Variants in FAM168A observed in about 807,000 individuals in gnomAD.
FAM168A encodes the protein family with sequence similarity 168 member A, also known as protein FAM168A.
FAM168A carries 3 observed loss-of-function variants against 28.5 expected under a neutral mutation model. That is an observed-to-expected ratio of 0.11 (90% CI 0.05 to 0.27). The LOEUF is 0.27. FAM168A is among the 10% of genes least tolerant of loss of function. The pLI, the probability that FAM168A is intolerant of heterozygous loss-of-function variation, is 1.00. For missense variants in FAM168A, 222 were observed against 311.5 expected, an observed-to-expected ratio of 0.71 and a Z score of 2.16; for synonymous variants, 122 against 124.2, an observed-to-expected ratio of 0.98 and a Z score of 0.12.
intron 1 of FAM168A, among the ~76,000 whole-genome samples, chr11:73,592,149 G>A (rs955664528): frequency 6.6e-6 from 1 of 152,080 alleles, no homozygotes; most frequent in African/African-American, 2.4e-5. Context: ...TATCATCTCA[G>A]GGTTCCTTCA....
chr11:73,558,691 C>G lies in FAM168A; in HGVS notation c.-19+39232G>C, dbSNP rs562305896. The stretch of plus-strand genomic sequence containing the variant: ...TGGCCAACAAGTAGATGAAAAGATG[C>G]TTAACATCATTTATTAATCATTAGA... On this transcript the variant is annotated intron_variant, in intron 1 of 7. Coordinates refer to ENST00000356467, the MANE Select transcript of FAM168A (RefSeq NM_015159.3). Among the ~76,000 whole-genome samples, 42 of 151,850 alleles carry G rather than the reference C, an allele frequency of 2.8e-4. 1 individual carries two copies. Among genetic ancestry groups the G allele is most frequent in the Admixed American group, 2.6e-3 (40 of 15,252 alleles).
intron 1 of FAM168A, among the ~76,000 whole-genome samples, chr11:73,486,651 C>T (rs1006680553): frequency 6.6e-6 from 1 of 152,034 alleles, no homozygotes; most frequent in Non-Finnish European, 1.5e-5. Flanking sequence ...AGAATTTTTC[C>T]CCTCCTGTGC....
At chr11:73,530,831 A>C (rs967699312) in intron 1 of FAM168A, among the ~76,000 whole-genome samples, 4 of 152,206 alleles carry the variant, frequency 2.6e-5, no homozygotes, top group Non-Finnish European at 5.9e-5. Flanking sequence ...TGCAGCCCCC[A>C]TATTTTACAG....
chr11:73,421,076 G>C (rs1014200264), intron 3 of FAM168A, among the ~76,000 whole-genome samples: 3 of 142,646 alleles, frequency 2.1e-5, no homozygotes, highest in African/African-American at 3.0e-5. Context: ...AGTCTTGGGG[G>C]GGGGGTCATG....
chr11:73,544,933 A>C (rs1943715787), intron 1 of FAM168A, among the ~76,000 whole-genome samples: 1 of 92,256 alleles, frequency 1.1e-5, no homozygotes, highest in South Asian at 2.4e-4. Context: ...AATATAAAAT[A>C]TATTATGTAA....
chr11:73,461,933 G>T (rs1445703092), intron 2 of FAM168A, among the ~76,000 whole-genome samples: 1 of 152,098 alleles, frequency 6.6e-6, no homozygotes, highest in Non-Finnish European at 1.5e-5. Flanking sequence ...CCATTATGAT[G>T]GCTATTATTT....
chr11:73,514,145 T>A (rs7105567), intron 1 of FAM168A, among the ~76,000 whole-genome samples: 12,547 of 151,298 alleles, frequency 0.083, 1,578 homozygotes, highest in African/African-American at 0.27. Context: ...AGAGTGAGAC[T>A]CTCTCTCAAA....
chr11:73,571,809 T>TG (rs1329867457), intron 1 of FAM168A, among the ~76,000 whole-genome samples: 1 of 150,738 alleles, frequency 6.6e-6, no homozygotes, highest in Non-Finnish European at 1.5e-5. Context: ...GAGTGCCTCT[T>TG]CCCGGCCGCC....
At chr11:73,463,954 A>T (rs1867691536) in intron 2 of FAM168A, among the ~76,000 whole-genome samples, 1 of 152,160 alleles carries the variant, frequency 6.6e-6, no homozygotes, top group Non-Finnish European at 1.5e-5. Flanking sequence ...AGGAGAGGAG[A>T]TCAGTTTGAA....
chr11:73,424,878 C>T, intron 3 of FAM168A: 2 of 611,086 alleles, frequency 3.3e-6, no homozygotes. Context: ...TTCCTGCATG[C>T]TTTAGGAACT....
At chr11:73,425,021 C>G in intron 3 of FAM168A, 1 of 1,528,044 alleles carries the variant, frequency 6.5e-7, no homozygotes, top group Non-Finnish European at 8.7e-7. Flanking sequence ...AGCTTTCCTA[C>G]CATAAGCTGA....
At position 73,405,154 on chromosome 11, in the gene FAM168A, C is replaced by T. The variant is rs1327399068; in HGVS notation, c.*1609G>A. On this transcript the variant is annotated 3_prime_UTR_variant, in exon 8 of 8. Transcript: ENST00000356467. ...AGGGGCTACTGTCCTAAAAGCATGG[C>T]CTCTCCTTTTCGGCCAGTCCACCTG... 5 of 152,266 alleles carry T rather than the reference C, an allele frequency of 3.3e-5. No individual in the cohort carries two copies. The highest frequency in any genetic ancestry group is 7.3e-5 in the Non-Finnish European group (5 of 68,060). The allele number at this position is 152,266 out of a possible 1,614,324, so 9.4% of individuals were successfully genotyped here. A position where few individuals can be genotyped will look rare whatever the true frequency, so the allele number is the denominator to read the frequency against.
chr11:73,486,876 T>C (rs192474446), intron 1 of FAM168A, among the ~76,000 whole-genome samples: 4 of 152,352 alleles, frequency 2.6e-5, no homozygotes, highest in African/African-American at 9.6e-5. Flanking sequence ...AAACATATTT[T>C]CTTGCAGGAG....
intron 1 of FAM168A, among the ~76,000 whole-genome samples, chr11:73,550,807 T>C (rs1215368215): frequency 6.7e-6 from 1 of 150,178 alleles, no homozygotes; most frequent in African/African-American, 2.5e-5. Context: ...GAACAACATA[T>C]GAAAAAAAAA....
At chr11:73,496,873 TCACACACACACACACA>T (rs71065011) in intron 1 of FAM168A, among the ~76,000 whole-genome samples, 123 of 140,220 alleles carry the variant, frequency 8.8e-4, no homozygotes, top group African/African-American at 3.2e-3. Flanking sequence ...TATGTTCTTA[TCACACACACACACACA>T]CACACACACA....
At chr11:73,528,540 TCTTA>T (rs1943473568) in intron 1 of FAM168A, among the ~76,000 whole-genome samples, 1 of 152,228 alleles carries the variant, frequency 6.6e-6, no homozygotes, top group African/African-American at 2.4e-5. Flanking sequence ...GTGTTCCTCC[TCTTA>T]CTTTCAGGAA....
chr11:73,573,210 G>GA (rs1377362515), intron 1 of FAM168A, among the ~76,000 whole-genome samples: 12 of 151,980 alleles, frequency 7.9e-5, no homozygotes, highest in South Asian at 2.1e-4. Flanking sequence ...AAAGAGGAAT[G>GA]AAAAAAAATC....
chr11:73,431,923 C>T (rs1040655564), intron 2 of FAM168A, among the ~76,000 whole-genome samples: 1 of 152,162 alleles, frequency 6.6e-6, no homozygotes, highest in African/African-American at 2.4e-5. Flanking sequence ...TAACCATTAA[C>T]AATACATCCC....
intron 1 of FAM168A, among the ~76,000 whole-genome samples, chr11:73,528,287 T>C (rs1943470666): frequency 6.6e-6 from 1 of 152,170 alleles, no homozygotes; most frequent in Non-Finnish European, 1.5e-5. Flanking sequence ...AGTCAGGCAT[T>C]CCTAGCCTCC....
Sources: gnomAD v4.1 joint callset for allele counts (sites outside exome capture counted in the v4.1 genomes callset) on GRCh38, gnomAD v4.1.1 for gene constraint, MANE v1.5 for transcripts, NCBI Gene and HGNC (gene_info 2026-07-23, HGNC 2026-07-21) for gene names.